The following TPST1 variants were observed in gnomAD, a reference collection of about 807,000 sequenced individuals.
The protein encoded by TPST1 is tyrosylprotein sulfotransferase 1, also known as protein-tyrosine sulfotransferase 1.
TPST1 carries 20 observed loss-of-function variants against 34.8 expected under a neutral mutation model. The ratio of observed to expected loss-of-function variants is 0.57; its 90% CI spans 0.40 to 0.84. The LOEUF is 0.84. Ranked by LOEUF, TPST1 falls within the 40% of genes least tolerant of loss-of-function variation. The probability of loss-of-function intolerance (pLI) is 0.00; values close to 1 mark genes in which losing one functional copy is unlikely to be tolerated. For missense variants in TPST1, 353 were observed against 455.5 expected (o/e 0.78, Z 2.05); for synonymous variants, 152 against 159.4 (o/e 0.95, Z 0.35).
At chr7:66,255,219 G>A (rs1241331201) in intron 2 of TPST1, among the ~76,000 whole-genome samples, 1 of 151,808 alleles carries the variant, frequency 6.6e-6, no homozygotes, top group Non-Finnish European at 1.5e-5. Context: ...GGCAATGTCT[G>A]GAGACTTTTT....
chr7:66,207,936 T>C (rs1165718678), intron 1 of TPST1, among the ~76,000 whole-genome samples: 3 of 152,196 alleles, frequency 2.0e-5, no homozygotes, highest in Non-Finnish European at 4.4e-5. Flanking sequence ...TTGTTGTTGC[T>C]ACCTCAGATC....
chr7:66,275,355 T>C (rs1790786170), intron 2 of TPST1, among the ~76,000 whole-genome samples: 1 of 152,064 alleles, frequency 6.6e-6, no homozygotes. Context: ...TACCATATGA[T>C]CCAGCAATCC....
At chr7:66,215,159 A>G (rs1219607194) in intron 1 of TPST1, among the ~76,000 whole-genome samples, 4 of 149,032 alleles carry the variant, frequency 2.7e-5, no homozygotes, top group Non-Finnish European at 4.4e-5. Context: ...GGTTCAAGCC[A>G]TTCTCCTGCC....
intron 3 of TPST1, among the ~76,000 whole-genome samples, chr7:66,295,534 T>A (rs2115991686): frequency 6.6e-6 from 1 of 152,296 alleles, no homozygotes; most frequent in South Asian, 2.1e-4. Flanking sequence ...AAAAAACCTT[T>A]GAACTGCCAG....
At chr7:66,271,913 G>A (rs1370726179) in intron 2 of TPST1, among the ~76,000 whole-genome samples, 1 of 151,896 alleles carries the variant, frequency 6.6e-6, no homozygotes, top group African/African-American at 2.4e-5. Context: ...GGATTATAGA[G>A]CCTAAACTAT....
chr7:66,284,858 C>T (rs570583413), intron 2 of TPST1, among the ~76,000 whole-genome samples: 3 of 152,196 alleles, frequency 2.0e-5, no homozygotes, highest in African/African-American at 7.2e-5. Context: ...GAATTTGTCT[C>T]ATCTCTATTT....
At chr7:66,261,173 GTCT>G (rs1161227342) in intron 2 of TPST1, among the ~76,000 whole-genome samples, 3 of 149,978 alleles carry the variant, frequency 2.0e-5, no homozygotes, top group African/African-American at 7.4e-5. Context: ...TCGGGAAACA[GTCT>G]TCTTCATTGC....
intron 1 of TPST1, among the ~76,000 whole-genome samples, chr7:66,236,036 C>T (rs147507930): frequency 1.4e-4 from 21 of 152,136 alleles, no homozygotes; most frequent in African/African-American, 1.9e-4. Context: ...CACTTCAATA[C>T]AGCTTTTTTT....
chr7:66,225,159 C>T lies in TPST1; in HGVS notation c.-101-15166C>T, dbSNP rs550257040. 1.9e-4 allele frequency among the ~76,000 whole-genome samples: 28 copies of T among 151,028 alleles called. 1 individual carries two copies. The highest frequency in any genetic ancestry group is 6.8e-3 in the Middle Eastern group (2 of 294). ...CTTGAACTCCTGACCTCAGGTGATCCGCCTGCCTTGGCCTCCCAAAGTGCT... is the reference window on the plus strand; with the variant it reads ...CTTGAACTCCTGACCTCAGGTGATCTGCCTGCCTTGGCCTCCCAAAGTGCT... On this transcript the variant is annotated intron_variant, in intron 1 of 5. Transcript: ENST00000304842.
intron 1 of TPST1, among the ~76,000 whole-genome samples, chr7:66,221,935 T>C (rs1428618255): frequency 2.6e-5 from 4 of 152,228 alleles, no homozygotes; most frequent in Non-Finnish European, 5.9e-5. Flanking sequence ...CAAAGTTTTT[T>C]TCATCAGTTC....
chr7:66,316,050 C>T lies in TPST1; in HGVS notation c.1044+29341C>T, dbSNP rs368647509. On this transcript the variant is annotated intron_variant, in intron 3 of 5. Coordinates refer to ENST00000304842, the MANE Select transcript of TPST1 (RefSeq NM_003596.4). ...GCTTGAACTCAGGATGCGGAGGTTG[C>T]GGTGAGCCAAATTCATGCCATTGCA... is the stretch of plus-strand genomic sequence containing the variant. Among the ~76,000 whole-genome samples, 168 of 150,518 alleles carry T rather than the reference C, an allele frequency of 1.1e-3. 2 individuals carry two copies. The South Asian group carries it at 0.034, about 30-fold the overall frequency.
At chr7:66,215,166 T>C (rs188227199) in intron 1 of TPST1, among the ~76,000 whole-genome samples, 2,782 of 149,254 alleles carry the variant, frequency 0.019, 45 homozygotes, top group Non-Finnish European at 0.027. Context: ...GCCATTCTCC[T>C]GCCTCAGCCT....
chr7:66,352,750 A>G (rs756236369), intron 4 of TPST1, 195 bp downstream of exon 4: 1 of 985,354 alleles, frequency 1.0e-6, no homozygotes, highest in Non-Finnish European at 1.2e-6. Flanking sequence ...AATTTAACAC[A>G]GTCTTAATTT....
intron 2 of TPST1, among the ~76,000 whole-genome samples, chr7:66,242,742 G>A (rs897129022): frequency 2.6e-5 from 4 of 152,174 alleles, no homozygotes; most frequent in Non-Finnish European, 5.9e-5. Flanking sequence ...AGCCTCTTCA[G>A]TAGGGATTAA....
In TPST1 at chr7:66,242,365, G is replaced by A. The variant is rs544349703; in HGVS notation, c.845+1095G>A. On this transcript the variant is annotated intron_variant, in intron 2 of 5. Transcript: ENST00000304842. Reference sequence around the variant, plus strand: ...AACACCTGTAAAAAATACTTTCCTTGTGTGCCCTTCTTACTTTCACCAAGG... The same window carrying A: ...AACACCTGTAAAAAATACTTTCCTTATGTGCCCTTCTTACTTTCACCAAGG... 7.1e-4 allele frequency among the ~76,000 whole-genome samples: 108 copies of A among 151,808 alleles called. 2 individuals carry two copies. In the South Asian group the frequency reaches 0.021, roughly 29 times the overall value.
At chr7:66,223,282 A>G (rs13223701) in intron 1 of TPST1, among the ~76,000 whole-genome samples, 1 of 151,676 alleles carries the variant, frequency 6.6e-6, no homozygotes, top group Admixed American at 6.6e-5. Flanking sequence ...CCTTGTCTCT[A>G]CAAAAAAGAA....
chr7:66,348,918 ATCGC>A (rs1792409880), intron 3 of TPST1, among the ~76,000 whole-genome samples: 1 of 151,584 alleles, frequency 6.6e-6, no homozygotes, highest in African/African-American at 2.4e-5. Flanking sequence ...TTACAGTAAC[ATCGC>A]ATACCTAGGT....
the TPST1 span, among the ~76,000 whole-genome samples, chr7:66,199,732 GAGAC>G: frequency 8.6e-6 from 1 of 115,920 alleles, no homozygotes; most frequent in Non-Finnish European, 1.8e-5. Context: ...TTTTTTTTCT[GAGAC>G]AGAGTCTCGC....
intron 1 of TPST1, among the ~76,000 whole-genome samples, chr7:66,229,234 C>T (rs745347002): frequency 3.3e-5 from 5 of 152,094 alleles, no homozygotes; most frequent in African/African-American, 1.2e-4. Context: ...CCTCAGCCTC[C>T]GGAGTAGCTG....
Sources: gnomAD v4.1 joint callset for allele counts (sites outside exome capture counted in the v4.1 genomes callset) on GRCh38, gnomAD v4.1.1 for gene constraint, MANE v1.5 for transcripts, NCBI Gene and HGNC (gene_info 2026-07-23, HGNC 2026-07-21) for gene names.